The following F13B variants were observed in gnomAD, a reference collection of about 807,000 sequenced individuals.
F13B encodes the protein TGase.
Under a neutral mutation model 79.8 loss-of-function variants are expected in F13B, and 58 were observed. The observed-to-expected ratio is 0.73, with a 90% CI of 0.59 to 0.90. The LOEUF (loss-of-function observed/expected upper bound fraction) is 0.90. Ranked by LOEUF, F13B falls within the 40% of genes least tolerant of loss-of-function variation. The pLI, the probability that F13B is intolerant of heterozygous loss-of-function variation, is 0.00. For synonymous variants in F13B, 283 were observed against 260.3 expected (o/e 1.09, Z -0.84); for missense variants, 773 against 777.0 (o/e 0.99, Z 0.06).
At chr1:197,065,232 G>A (rs1229338166) in intron 1 of F13B, among the ~76,000 whole-genome samples, 1 of 152,134 alleles carries the variant, frequency 6.6e-6, no homozygotes, top group Non-Finnish European at 1.5e-5. Flanking sequence ...ACAATCCTAG[G>A]TTGTGGCTTT....
Position 197,052,782 on chromosome 1 carries a change from C to T in F13B, c.1407G>A (p.Lys469=), listed in dbSNP as rs2125064470. The part of the protein sequence containing the change: ...DYMNRNNIEM[K]WKYEGKVLHG... ...GTAAGACTTTCCCTTCATATTTCCA[C>T]TTCATTTCTATGTTATTTCTGTTCA... is the stretch of plus-strand genomic sequence containing the variant. The change falls in exon 9 of 12, where the codon AAG becomes AAA. Residue 469 remains lysine, a synonymous_variant. Coordinates refer to ENST00000367412, the MANE Select transcript of F13B (RefSeq NM_001994.3). The T allele has an allele frequency of 1.2e-6, 2 of 1,610,838 alleles. No homozygotes were observed. Among genetic ancestry groups the T allele is most frequent in the Non-Finnish European group, 1.7e-6 (2 of 1,178,662 alleles).
At chr1:197,062,244 C>T (rs1253361424) in intron 2 of F13B, among the ~76,000 whole-genome samples, 3 of 152,006 alleles carry the variant, frequency 2.0e-5, no homozygotes, top group South Asian at 2.1e-4. Flanking sequence ...CTCTTTTAAA[C>T]GAAACTGGCT....
At chr1:197,056,910 G>T in intron 7 of F13B, 103 bp downstream of exon 7, 1 of 1,158,000 alleles carries the variant, frequency 8.6e-7, no homozygotes, top group Non-Finnish European at 1.3e-6. Context: ...TTTCTAATTT[G>T]CCTAAGCAGT....
In F13B at chr1:197,055,771, C is replaced by T. The variant is rs201195929; in HGVS notation, c.1298G>A (p.Gly433Glu). The T allele has an allele frequency of 9.9e-6, 16 of 1,613,620 alleles. No individual in the cohort carries two copies. The African/African-American group carries it at 1.7e-4, about 17-fold the overall frequency. Residue 433 changes from glycine (G) to glutamate (E), a missense_variant, in exon 8 of 12, where the codon GGA becomes GAA. Coordinates refer to ENST00000367412, the MANE Select transcript of F13B (RefSeq NM_001994.3). Reference sequence around the variant, plus strand: ...TTGTTCGCAACGAGATATTTTTGATCCCCTCAGTAAGTAATATTCATTGCA... The same window carrying T: ...TTGTTCGCAACGAGATATTTTTGATTCCCTCAGTAAGTAATATTCATTGCA... ...YRCNEYYLLR[G>E]SKISRCEQGK...
chr1:197,046,231 G>C (rs1185248157), intron 10 of F13B, among the ~76,000 whole-genome samples: 2 of 152,296 alleles, frequency 1.3e-5, no homozygotes, highest in East Asian at 3.9e-4. Flanking sequence ...AATTGTCCCT[G>C]TTTGCAGATA....
chr1:197,055,774 C>T lies in F13B; in HGVS notation c.1295G>A (p.Arg432Lys). 5 of 1,613,622 alleles carry T rather than the reference C, an allele frequency of 3.1e-6. No individual in the cohort carries two copies. The highest frequency in any genetic ancestry group is 4.2e-6 in the Non-Finnish European group (5 of 1,179,754). ...TTCGCAACGAGATATTTTTGATCCC[C>T]TCAGTAAGTAATATTCATTGCATCT... ...EYRCNEYYLL[R>K]GSKISRCEQG... Residue 432 changes from arginine (R) to lysine (K), a missense_variant, in exon 8 of 12, where the codon AGG becomes AAG. Coordinates refer to ENST00000367412, the MANE Select transcript of F13B (RefSeq NM_001994.3).
intron 7 of F13B, 145 bp downstream of exon 7, chr1:197,056,868 C>G: frequency 2.7e-6 from 2 of 748,802 alleles, no homozygotes; most frequent in Non-Finnish European, 4.5e-6. Context: ...TGCACACATG[C>G]AAAGCAGAAG....
intron 2 of F13B, 72 bp from the exon 3 acceptor site, chr1:197,062,041 CA>C (rs980313409): frequency 6.9e-5 from 91 of 1,315,508 alleles, no homozygotes; most frequent in Non-Finnish European, 8.7e-5. Context: ...AAAATTAAGC[CA>C]AAAGTATAAT....
At chr1:197,052,864 T>C in intron 8 of F13B, 30 bp from the exon 9 acceptor site, 1 of 1,542,800 alleles carries the variant, frequency 6.5e-7, no homozygotes, top group Non-Finnish European at 8.9e-7. Flanking sequence ...TTTAAATTCT[T>C]TACTTGTCTG....
intron 1 of F13B, among the ~76,000 whole-genome samples, chr1:197,064,167 TGAA>T (rs1236717144): frequency 6.6e-6 from 1 of 152,104 alleles, no homozygotes; most frequent in African/African-American, 2.4e-5. Flanking sequence ...TCAATGATTG[TGAA>T]GAAGTGAAGA....
intron 7 of F13B, 40 bp from the exon 8 acceptor site, chr1:197,055,937 A>G: frequency 6.7e-7 from 1 of 1,481,484 alleles, no homozygotes; most frequent in Non-Finnish European, 9.4e-7. Context: ...ATGAGCTCAT[A>G]ACAATATACT....
At position 197,050,860 on chromosome 1, in the gene F13B, T is replaced by C. The variant is rs199871990; in HGVS notation, c.1575A>G (p.Thr525=). The stretch of plus-strand genomic sequence containing the variant: ...CTCCATGTTTAATAAGAGGAGGAGA[T>C]GTGCACATTCCTTTAGATTCTGCAA... ...CTRKESKGMC[T]SPPLIKHGVI... is the part of the protein sequence containing the mutation. Residue 525 remains threonine, a synonymous_variant, in exon 10 of 12, where the codon ACA becomes ACG. Coordinates refer to ENST00000367412, the MANE Select transcript of F13B (RefSeq NM_001994.3). The C allele has an allele frequency of 1.4e-5, 23 of 1,613,148 alleles. No homozygotes were observed. The Admixed American group carries it at 3.3e-4, about 23-fold the overall frequency.
chr1:197,043,347 C>T lies in F13B; in HGVS notation c.1739-2612G>A, dbSNP rs531575166. On this transcript the variant is annotated intron_variant, in intron 10 of 11. Transcript: ENST00000367412. Reference sequence around the variant, plus strand: ...CAACTGCCTCTACACTAATCATCAGCCAGAGGATGAGATGAGTCTTCTTTG... The same window carrying T: ...CAACTGCCTCTACACTAATCATCAGTCAGAGGATGAGATGAGTCTTCTTTG... 2.6e-4 allele frequency among the ~76,000 whole-genome samples: 40 copies of T among 152,288 alleles called. No homozygotes were observed. The South Asian group carries it at 8.3e-3, about 32-fold the overall frequency.
At position 197,054,776 on chromosome 1, in the gene F13B, T is replaced by A. The variant is rs1482581269; in HGVS notation, c.1354+939A>T. 2.0e-5 allele frequency among the ~76,000 whole-genome samples: 3 copies of A among 151,902 alleles called. No homozygotes were observed. In the East Asian group the frequency reaches 5.8e-4, roughly 29 times the overall value. ...TTAAAATATTCAAAGTTAACAAAGA[T>A]TAGGATGATTACTACTTTAATTCAC... On this transcript the variant is annotated intron_variant, in intron 8 of 11. Coordinates refer to ENST00000367412, the MANE Select transcript of F13B (RefSeq NM_001994.3).
chr1:197,045,158 A>G (rs1655182861), intron 10 of F13B, among the ~76,000 whole-genome samples: 1 of 152,218 alleles, frequency 6.6e-6, no homozygotes, highest in Non-Finnish European at 1.5e-5. Context: ...AACTAAGATC[A>G]GAGCAGAACT....
At chr1:197,066,761 A>G (rs1281703356) in intron 1 of F13B, among the ~76,000 whole-genome samples, 3 of 152,234 alleles carry the variant, frequency 2.0e-5, no homozygotes, top group Admixed American at 2.0e-4. Context: ...CCCACATTAA[A>G]CTCTCACCTT....
chr1:197,063,096 A>T, intron 1 of F13B, 39 bp from the exon 2 acceptor site: 1 of 1,560,410 alleles, frequency 6.4e-7, no homozygotes, highest in Non-Finnish European at 8.8e-7. Context: ...TGGAAAAACA[A>T]ATCTAAAAAC....
At chr1:197,060,739 T>C (rs1332347550) in intron 4 of F13B, among the ~76,000 whole-genome samples, 160 bp downstream of exon 4, 1 of 152,108 alleles carries the variant, frequency 6.6e-6, no homozygotes, top group Non-Finnish European at 1.5e-5. Flanking sequence ...TTATTCTACT[T>C]GAGAGCTTTA....
intron 1 of F13B, 82 bp downstream of exon 1, chr1:197,067,078 A>G: frequency 1.5e-6 from 1 of 678,650 alleles, no homozygotes; most frequent in Non-Finnish European, 2.5e-6. Context: ...ATAGAAGAGT[A>G]TATTAAAACT....
Sources: allele counts gnomAD v4.1 joint callset (sites outside exome capture counted in the v4.1 genomes callset), GRCh38; gene constraint gnomAD v4.1.1; transcripts MANE v1.5; gene names NCBI Gene and HGNC (gene_info 2026-07-23, HGNC 2026-07-21).